Variants in NSF observed in about 807,000 individuals in gnomAD.
NSF encodes vesicle-fusing ATPase.
A neutral mutation model predicts 50.3 loss-of-function variants in NSF; 14 were observed. The ratio of observed to expected loss-of-function variants is 0.28; its 90% confidence interval spans 0.18 to 0.44. The LOEUF (loss-of-function observed/expected upper bound fraction) is 0.44. NSF is among the 20% of genes least tolerant of loss of function. The pLI is 1.00. For missense variants in NSF, 218 were observed against 504.3 expected (o/e 0.43, Z 5.44); for synonymous variants, 109 against 175.7 (o/e 0.62, Z 3.00).
chr17:46,691,429 T>C (rs1168059153), intron 9 of NSF, among the ~76,000 whole-genome samples: 5 of 115,752 alleles, frequency 4.3e-5, no homozygotes, highest in Non-Finnish European at 8.7e-5. Flanking sequence ...ACCCCGTCTC[T>C]ACTAAAAATA....
chr17:46,726,610 T>G lies in NSF; in HGVS notation c.1823T>G (p.Leu608Trp), dbSNP rs2058892197. 1 of 1,613,794 alleles carries G rather than the reference T, an allele frequency of 6.2e-7. No individual in the cohort carries two copies. Among genetic ancestry groups the G allele is most frequent in the Non-Finnish European group, 8.5e-7 (1 of 1,179,692 alleles). The change falls in exon 16 of 21, where the codon TTG becomes TGG. Residue 608 changes from leucine to tryptophan, a missense_variant. This residue lies in a region of NSF where 209 missense variants were observed against 320.9 expected (regional missense o/e 0.65). Coordinates refer to ENST00000398238, the MANE Select transcript of NSF (RefSeq NM_006178.4). ...SCVVVDDIER[L>W]LDYVPIGPRF... ...GTGGTTGTGGATGACATTGAGAGAT[T>G]GCTTGGTGAGTCCTAACTTCTGCTG...
At chr17:46,718,672 G>A (rs1221423474) in intron 15 of NSF, among the ~76,000 whole-genome samples, 2 of 152,014 alleles carry the variant, frequency 1.3e-5, no homozygotes, top group African/African-American at 2.4e-5. Context: ...CACACTGACC[G>A]GCCGAATGAC....
chr17:46,721,692 C>T lies in NSF; in HGVS notation c.1762-4857C>T, dbSNP rs938613966. 262 of 1,606,496 alleles carry T rather than the reference C, an allele frequency of 1.6e-4. No individual in the cohort carries two copies. The Middle Eastern group carries it at 5.0e-3, about 31-fold the overall frequency. On this transcript the variant is annotated intron_variant, in intron 15 of 20. Transcript: ENST00000398238. ...TCCACATTGTTCTGCTGTGCTTTGT[C>T]CAAATGAACCTTTATGAGCCGGCTG...
rs1285730695 is a variant in NSF, at chr17:46,704,839, G to A, written c.1455G>A (p.Glu485=). 1 of 1,600,822 alleles carries A rather than the reference G, an allele frequency of 6.2e-7. No individual in the cohort carries two copies. Residue 485 remains glutamate (E), a synonymous_variant, in exon 13 of 21, where the codon GAG becomes GAA. Coordinates refer to ENST00000398238, the MANE Select transcript of NSF (RefSeq NM_006178.4). ...GAGGAGACTTCCTTGCTTCTTTGGA[G>A]AATGATATCAAACCAGTGAGTATGC... ...VTRGDFLASL[E]NDIKPAFGTN...
chr17:46,710,245 A>G (rs1250374400), intron 13 of NSF, among the ~76,000 whole-genome samples: 3 of 152,194 alleles, frequency 2.0e-5, no homozygotes, highest in Non-Finnish European at 4.4e-5. Context: ...TCAATTGTAA[A>G]TACTAAAGTT....
intron 20 of NSF, 98 bp downstream of exon 20, chr17:46,755,467 T>G (rs1382161776): frequency 1.9e-6 from 2 of 1,063,466 alleles, no homozygotes; most frequent in African/African-American, 3.1e-5. Context: ...TAAGTTTGTT[T>G]CCATTTATTT....
intron 8 of NSF, among the ~76,000 whole-genome samples, chr17:46,668,353 ACTTCTTCAT>A (rs1444489431): frequency 1.0e-4 from 1 of 9,610 alleles, no homozygotes; most frequent in African/African-American, 4.7e-4. Flanking sequence ...ACAGAAGAGA[ACTTCTTCAT>A]CTTCTTCATC....
At chr17:46,741,450 G>T (rs2059071145) in intron 17 of NSF, among the ~76,000 whole-genome samples, 1 of 152,174 alleles carries the variant, frequency 6.6e-6, no homozygotes, top group Admixed American at 6.5e-5. Context: ...GCACCATGAG[G>T]ATGGTTACAA....
chr17:46,734,985 A>C (rs548166898), intron 17 of NSF, among the ~76,000 whole-genome samples: 1 of 152,208 alleles, frequency 6.6e-6, no homozygotes, highest in Non-Finnish European at 1.5e-5. Flanking sequence ...CATGAGTTCA[A>C]GACCGCAGGA....
intron 17 of NSF, among the ~76,000 whole-genome samples, chr17:46,747,542 A>AG (rs2059142905): frequency 6.6e-6 from 1 of 152,152 alleles, no homozygotes; most frequent in Non-Finnish European, 1.5e-5. Context: ...AGCCTCCCAA[A>AG]GTGCTGGGAT....
intron 16 of NSF, 69 bp from the exon 17 acceptor site, chr17:46,728,784 AAC>A: frequency 1.7e-6 from 2 of 1,154,324 alleles, no homozygotes; most frequent in Non-Finnish European, 1.2e-6. Flanking sequence ...AAAAAAAAAA[AAC>A]AAAAACTGAA....
chr17:46,728,928 T>G lies in NSF; in HGVS notation c.1902T>G (p.Pro634=). The change falls in exon 17 of 21, where the codon CCT becomes CCG. Residue 634 remains proline, a synonymous_variant. Transcript: ENST00000398238. ...TTCTCGTTTTACTGAAAAAGGCACC[T>G]CCTCAGGTAAAATAATACTACTAAT... is the stretch of plus-strand genomic sequence containing the variant. ...QALLVLLKKA[P]PQGRKLLIIG... 6.3e-7 allele frequency: 1 copy of G among 1,598,224 alleles called. No homozygotes were observed. Among genetic ancestry groups the G allele is most frequent in the Non-Finnish European group, 8.6e-7 (1 of 1,168,902 alleles).
intron 19 of NSF, 90 bp downstream of exon 19, chr17:46,751,706 ATTAAT>A: frequency 2.8e-6 from 2 of 711,884 alleles, no homozygotes; most frequent in African/African-American, 1.8e-5. Context: ...CAAGGTTTTA[ATTAAT>A]TTAAGTTTTG....
At chr17:46,732,138 G>A (rs994184747) in intron 17 of NSF, among the ~76,000 whole-genome samples, 3 of 152,124 alleles carry the variant, frequency 2.0e-5, no homozygotes, top group African/African-American at 7.2e-5. Context: ...GAAAACAAAA[G>A]TTGTGAGCAT....
chr17:46,752,835 C>T (rs1042298997), intron 19 of NSF, among the ~76,000 whole-genome samples: 4 of 152,012 alleles, frequency 2.6e-5, no homozygotes, highest in Non-Finnish European at 5.9e-5. Flanking sequence ...GGCATGATCT[C>T]GGCTCACTGC....
At chr17:46,731,670 A>G (rs992667005) in intron 17 of NSF, among the ~76,000 whole-genome samples, 21 of 152,174 alleles carry the variant, frequency 1.4e-4, no homozygotes, top group African/African-American at 5.1e-4. Flanking sequence ...TAAGGACTGA[A>G]GAGGAAGAAT....
chr17:46,721,752 T>G (rs1598714456), intron 15 of NSF: 3 of 1,605,018 alleles, frequency 1.9e-6, no homozygotes, highest in East Asian at 4.5e-5. Flanking sequence ...TTGCCCACAA[T>G]TTCGCTTGGG....
At chr17:46,676,148 G>A (rs1427517387) in intron 9 of NSF, among the ~76,000 whole-genome samples, 1 of 141,336 alleles carries the variant, frequency 7.1e-6, no homozygotes, top group East Asian at 2.3e-4. Flanking sequence ...AATATCTGCT[G>A]CCACCACAGG....
chr17:46,729,968 A>G (rs1330481770), intron 17 of NSF, among the ~76,000 whole-genome samples: 2 of 152,140 alleles, frequency 1.3e-5, no homozygotes, highest in Non-Finnish European at 2.9e-5. Flanking sequence ...TTCATAAACC[A>G]TCATTCCTAG....
Sources: allele counts gnomAD v4.1 joint callset (sites outside exome capture counted in the v4.1 genomes callset), GRCh38; gene constraint gnomAD v4.1.1; regional missense constraint gnomAD v4.1.1; transcripts MANE v1.5; gene names NCBI Gene and HGNC (gene_info 2026-07-23, HGNC 2026-07-21).